The following BNC2 variants were observed in gnomAD, a reference collection of about 807,000 sequenced individuals.
BNC2 encodes the protein zinc finger protein basonuclin-2.
BNC2 carries 20 observed loss-of-function variants against 76.3 expected under a neutral mutation model. The observed-to-expected ratio is 0.26, with a 90% CI of 0.18 to 0.38. The LOEUF is 0.38. Ranked by LOEUF, BNC2 falls within the 10% of genes least tolerant of loss-of-function variation. The pLI is 1.00. For missense variants in BNC2, 1,382 were observed against 1,399.8 expected (o/e 0.99, Z 0.20); for synonymous variants, 582 against 514.8 (o/e 1.13, Z -1.77).
intron 5 of BNC2, among the ~76,000 whole-genome samples, chr9:16,508,745 C>T (rs1822687675): frequency 6.6e-6 from 1 of 152,020 alleles, no homozygotes; most frequent in African/African-American, 2.4e-5. Flanking sequence ...TTTCTTCTAT[C>T]CAGGATATTC....
intron 4 of BNC2, among the ~76,000 whole-genome samples, chr9:16,557,870 T>G (rs78729437): frequency 0.11 from 16,730 of 150,648 alleles, 2,220 homozygotes; most frequent in African/African-American, 0.31. Context: ...TGTTTGTTTG[T>G]TTTTTTTTGA....
At chr9:16,858,772 G>A (rs1819324959) in intron 1 of BNC2, among the ~76,000 whole-genome samples, 1 of 152,082 alleles carries the variant, frequency 6.6e-6, no homozygotes, top group South Asian at 2.1e-4. Context: ...CGTGAACCCG[G>A]GAGGCGGAGT....
chr9:16,711,782 C>A (rs956831729), intron 3 of BNC2, among the ~76,000 whole-genome samples: 3 of 152,142 alleles, frequency 2.0e-5, no homozygotes, highest in African/African-American at 7.2e-5. Context: ...TGAATACATG[C>A]ATGAAAGGAA....
At chr9:16,846,319 G>C (rs1328842273) in intron 1 of BNC2, among the ~76,000 whole-genome samples, 1 of 152,114 alleles carries the variant, frequency 6.6e-6, no homozygotes, top group South Asian at 2.1e-4. Context: ...ATCAATAACA[G>C]AACTGTACAA....
chr9:16,487,914 C>T (rs1822198031), intron 5 of BNC2, among the ~76,000 whole-genome samples: 1 of 152,104 alleles, frequency 6.6e-6, no homozygotes, highest in African/African-American at 2.4e-5. Context: ...GATATTTTAC[C>T]ATAGATGGTG....
intron 1 of BNC2, among the ~76,000 whole-genome samples, chr9:16,831,555 G>A (rs1391610253): frequency 6.6e-6 from 1 of 152,138 alleles, no homozygotes; most frequent in Non-Finnish European, 1.5e-5. Context: ...AGGTTTTCTT[G>A]TTTGTTTTTT....
Position 16,778,007 on chromosome 9 carries a change from T to C in BNC2, c.4-39522A>G, listed in dbSNP as rs117344214. On this transcript the variant is annotated intron_variant, in intron 1 of 6. Coordinates refer to ENST00000380672, the MANE Select transcript of BNC2 (RefSeq NM_017637.6). ...CTACTTCCAAAGCCACACTAACATATATGTATGTAGATGTGTATAGAATAA... is the reference window on the plus strand; with the variant it reads ...CTACTTCCAAAGCCACACTAACATACATGTATGTAGATGTGTATAGAATAA... Among the ~76,000 whole-genome samples the C allele has an allele frequency of 3.2e-4, 48 of 152,272 alleles. No homozygotes were observed. In the East Asian group the frequency reaches 7.3e-3, roughly 23 times the overall value.
intron 1 of BNC2, among the ~76,000 whole-genome samples, chr9:16,864,047 A>G (rs1254978893): frequency 6.6e-6 from 1 of 152,200 alleles, no homozygotes; most frequent in East Asian, 1.9e-4. Context: ...TTTTAAAATA[A>G]TATTTTCCAA....
At chr9:16,606,629 G>A (rs893453862) in intron 3 of BNC2, among the ~76,000 whole-genome samples, 4 of 151,742 alleles carry the variant, frequency 2.6e-5, no homozygotes, top group Non-Finnish European at 5.9e-5. Context: ...ACCCCACAAC[G>A]TTCAAGCAAT....
intron 5 of BNC2, among the ~76,000 whole-genome samples, chr9:16,498,124 C>G (rs1389041386): frequency 8.1e-6 from 1 of 123,636 alleles, no homozygotes; most frequent in Non-Finnish European, 1.6e-5. Context: ...TGTATATATT[C>G]TATCATATAT....
At chr9:16,447,480 T>G (rs1821253155) in intron 5 of BNC2, among the ~76,000 whole-genome samples, 1 of 152,146 alleles carries the variant, frequency 6.6e-6, no homozygotes, top group Non-Finnish European at 1.5e-5. Context: ...AACCAACTTG[T>G]GTAACCAACG....
At chr9:16,712,306 G>C (rs1431377038) in intron 3 of BNC2, among the ~76,000 whole-genome samples, 3 of 152,110 alleles carry the variant, frequency 2.0e-5, no homozygotes, top group Non-Finnish European at 4.4e-5. Context: ...GATATAAAAA[G>C]ATGGTGACAT....
At chr9:16,759,966 G>C (rs922012318) in intron 1 of BNC2, among the ~76,000 whole-genome samples, 1 of 152,088 alleles carries the variant, frequency 6.6e-6, no homozygotes, top group Non-Finnish European at 1.5e-5. Flanking sequence ...CTCGTGATCC[G>C]CCCACCTCGG....
At chr9:16,754,196 G>A (rs1825308773) in intron 1 of BNC2, among the ~76,000 whole-genome samples, 1 of 152,144 alleles carries the variant, frequency 6.6e-6, no homozygotes, top group Non-Finnish European at 1.5e-5. Context: ...AGGCATCACT[G>A]CCTACCTTTT....
At chr9:16,746,759 G>A (rs939430320) in intron 1 of BNC2, among the ~76,000 whole-genome samples, 8 of 151,412 alleles carry the variant, frequency 5.3e-5, no homozygotes, top group South Asian at 2.1e-4. Flanking sequence ...TCAGGAGATC[G>A]AGACCATCCT....
intron 3 of BNC2, among the ~76,000 whole-genome samples, chr9:16,694,677 A>G (rs2134466787): frequency 6.6e-6 from 1 of 152,330 alleles, no homozygotes; most frequent in South Asian, 2.1e-4. Context: ...AAGCTTGAAC[A>G]TAGGTAATGT....
At chr9:16,669,945 A>G (rs1030569239) in intron 3 of BNC2, among the ~76,000 whole-genome samples, 2 of 152,220 alleles carry the variant, frequency 1.3e-5, no homozygotes. Context: ...TAATTTGTGG[A>G]CCATGACTCC....
intron 3 of BNC2, among the ~76,000 whole-genome samples, chr9:16,628,067 C>T (rs910181961): frequency 1.3e-5 from 2 of 152,172 alleles, no homozygotes; most frequent in Admixed American, 6.5e-5. Flanking sequence ...GTTTTTACCA[C>T]ATCCTAACAA....
At chr9:16,579,818 G>C (rs1264577172) in intron 4 of BNC2, 2 of 294,064 alleles carry the variant, frequency 6.8e-6, no homozygotes, top group East Asian at 1.1e-4. Context: ...ATTTATTCAA[G>C]AAAGGAGGTC....
Sources: allele counts gnomAD v4.1 joint callset (sites outside exome capture counted in the v4.1 genomes callset), GRCh38; gene constraint gnomAD v4.1.1; transcripts MANE v1.5; gene names NCBI Gene and HGNC (gene_info 2026-07-23, HGNC 2026-07-21).